Variants in TMEM44 observed in about 807,000 individuals in gnomAD.
TMEM44 encodes transmembrane protein 44.
TMEM44 carries 43 observed loss-of-function variants against 47.8 expected under a neutral mutation model. That is an observed-to-expected ratio of 0.90 (90% CI 0.70 to 1.16). The LOEUF (loss-of-function observed/expected upper bound fraction) is 1.16, where lower values mean the gene tolerates loss of function less well. TMEM44 is among the 50% of genes most tolerant of loss of function. The probability of loss-of-function intolerance (pLI) is 0.00; values close to 1 mark genes in which losing one functional copy is unlikely to be tolerated. For missense variants in TMEM44, 568 were observed against 555.2 expected, an observed-to-expected ratio of 1.02 and a Z score of -0.23; for synonymous variants, 277 against 238.8, an observed-to-expected ratio of 1.16 and a Z score of -1.48.
At chr3:194,631,103 T>C (rs1005574640) in intron 1 of TMEM44, among the ~76,000 whole-genome samples, 1 of 149,382 alleles carries the variant, frequency 6.7e-6, no homozygotes, top group Non-Finnish European at 1.5e-5. Flanking sequence ...GCTGGCTGTT[T>C]CTATTGGCGT....
chr3:194,618,406 TTAAA>T (rs1192364779), intron 5 of TMEM44, among the ~76,000 whole-genome samples: 1 of 150,622 alleles, frequency 6.6e-6, no homozygotes, highest in African/African-American at 2.4e-5. Context: ...ACTTATATAT[TTAAA>T]TATATATGAA....
At chr3:194,630,948 G>A (rs914942978) in intron 1 of TMEM44, among the ~76,000 whole-genome samples, 1 of 136,872 alleles carries the variant, frequency 7.3e-6, no homozygotes, top group Non-Finnish European at 1.5e-5. Flanking sequence ...CTCCTGGAGG[G>A]GCTGGCTGTT....
chr3:194,625,866 T>C (rs1357392743), intron 3 of TMEM44, 31 bp downstream of exon 3: 1 of 1,574,280 alleles, frequency 6.4e-7, no homozygotes, highest in East Asian at 2.2e-5. Context: ...AATGGGTGAA[T>C]AAAGACAGGA....
intron 9 of TMEM44, chr3:194,596,998 G>A (rs1265385967): frequency 6.6e-6 from 1 of 151,890 alleles, no homozygotes; most frequent in Non-Finnish European, 1.5e-5. Context: ...GGAACACACG[G>A]GCCTGGGACT....
chr3:194,618,087 C>T (rs1716136555), intron 5 of TMEM44, among the ~76,000 whole-genome samples: 1 of 152,204 alleles, frequency 6.6e-6, no homozygotes, highest in Non-Finnish European at 1.5e-5. Context: ...CGGCCTGAGG[C>T]ATTCCTTTAG....
At chr3:194,595,580 G>C (rs1713295567) in intron 9 of TMEM44, among the ~76,000 whole-genome samples, 1 of 150,764 alleles carries the variant, frequency 6.6e-6, no homozygotes, top group South Asian at 2.1e-4. Flanking sequence ...GGATTGTAAA[G>C]TTTTAAGACT....
intron 5 of TMEM44, 59 bp from the exon 6 acceptor site, chr3:194,617,328 C>G: frequency 6.9e-7 from 1 of 1,458,298 alleles, no homozygotes; most frequent in Non-Finnish European, 9.1e-7. Context: ...GACCCAGGGC[C>G]CTCAGTGGCA....
At chr3:194,602,602 CA>C (rs57532938) in intron 9 of TMEM44, among the ~76,000 whole-genome samples, 42 of 143,188 alleles carry the variant, frequency 2.9e-4, no homozygotes, top group Middle Eastern at 3.6e-3. Flanking sequence ...AACTCCTTCT[CA>C]AAAAAAAAAA....
At chr3:194,626,205 G>A (rs1717165094) in intron 2 of TMEM44, among the ~76,000 whole-genome samples, 1 of 152,160 alleles carries the variant, frequency 6.6e-6, no homozygotes, top group Non-Finnish European at 1.5e-5. Context: ...TGAACCCACG[G>A]TATGCAGATG....
intron 6 of TMEM44, among the ~76,000 whole-genome samples, chr3:194,616,293 C>A (rs996389146): frequency 4.6e-5 from 7 of 152,180 alleles, no homozygotes; most frequent in Non-Finnish European, 1.0e-4. Context: ...CTCAGATGAT[C>A]CTCCCATCTT....
Position 194,633,238 on chromosome 3 carries a change from G to T in TMEM44, c.-23C>A. ...CATGGCGCGGCTGGGCGCGCGGCGC[G>T]GGGCCGGGGACCTGGGCGCAGCCTC... On this transcript the variant is annotated 5_prime_UTR_variant, in exon 1 of 10. Coordinates refer to ENST00000347147, the MANE Select transcript of TMEM44 (RefSeq NM_001011655.3). 1 of 1,278,736 alleles carries T rather than the reference G, an allele frequency of 7.8e-7. No homozygotes were observed. Among genetic ancestry groups the T allele is most frequent in the Non-Finnish European group, 9.9e-7 (1 of 1,006,812 alleles). The allele number at this position is 1,278,736 out of a possible 1,614,324, so 79.2% of individuals were successfully genotyped here. A position where few individuals can be genotyped will look rare whatever the true frequency, so the allele number is the denominator to read the frequency against.
intron 7 of TMEM44, among the ~76,000 whole-genome samples, chr3:194,613,373 T>C (rs557173895): frequency 8.6e-5 from 13 of 151,214 alleles, no homozygotes; most frequent in African/African-American, 3.2e-4. Context: ...AGACGGAGTT[T>C]CACCACGTTG....
At chr3:194,632,885 C>T in intron 1 of TMEM44, 194 bp downstream of exon 1, 1 of 992,592 alleles carries the variant, frequency 1.0e-6, no homozygotes, top group Non-Finnish European at 1.4e-6. Flanking sequence ...GGCTCACAGC[C>T]CAGCTTCCCT....
chr3:194,633,259 G>C lies in TMEM44; in HGVS notation c.-44C>G. 1 of 1,061,370 alleles carries C rather than the reference G, an allele frequency of 9.4e-7. No homozygotes were observed. Among genetic ancestry groups the C allele is most frequent in the South Asian group, 4.4e-5 (1 of 22,922 alleles). The allele number at this position is 1,061,370 out of a possible 1,614,324, so 65.7% of individuals were successfully genotyped here. On this transcript the variant is annotated 5_prime_UTR_variant, in exon 1 of 10. Transcript: ENST00000347147. ...GCGCGGGGCCGGGGACCTGGGCGCA[G>C]CCTCCCTCGCCGCGGGCAAGCCCCG...
chr3:194,613,923 G>C (rs1169835197), intron 7 of TMEM44, among the ~76,000 whole-genome samples: 1 of 150,380 alleles, frequency 6.6e-6, no homozygotes, highest in Non-Finnish European at 1.5e-5. Context: ...GGGAGTTTGA[G>C]ACCAGCCTGA....
At chr3:194,602,270 T>C (rs789846) in intron 9 of TMEM44, among the ~76,000 whole-genome samples, 141,271 of 152,294 alleles carry the variant, frequency 0.93, 65,572 homozygotes, top group East Asian at 0.98. Flanking sequence ...CTGTGGCTCC[T>C]GGGGCACACG....
chr3:194,595,711 C>T lies in TMEM44; in HGVS notation c.1177-7072G>A, dbSNP rs191781147. ...CGTGATCTCAGCTCACTGCAACCTC[C>T]GCCTCCCGGGTCCAGGTGATTCTCC... On this transcript the variant is annotated intron_variant, in intron 9 of 9. Transcript: ENST00000347147. 3.9e-5 allele frequency among the ~76,000 whole-genome samples: 6 copies of T among 151,954 alleles called. No homozygotes were observed. In the East Asian group the frequency reaches 7.7e-4, roughly 20 times the overall value.
chr3:194,594,129 A>ATCTGTCTGTCTGTCTGTCTG (rs1182231663), intron 9 of TMEM44, among the ~76,000 whole-genome samples: 8,170 of 121,630 alleles, frequency 0.067, 319 homozygotes, highest in East Asian at 0.16. Flanking sequence ...CTATCTATCT[A>ATCTGTCTGTCTGTCTGTCTG]TCTATCTATC....
rs9880580 is a variant in TMEM44, at chr3:194,611,385, G to A, written c.913-365C>T. 0.36 allele frequency among the ~76,000 whole-genome samples: 54,849 copies of A among 151,882 alleles called. 10,772 individuals are homozygous for A. The highest frequency in any genetic ancestry group is 0.78 in the East Asian group (4,017 of 5,154). ...CTCCCAAAGTGCTGGGATGACAGGC[G>A]TGAGCCACCACACCCGGCCTATTCT... On this transcript the variant is annotated intron_variant, in intron 7 of 9. Transcript: ENST00000347147. This position sits in a 1 kb window ranked among gnomAD's most constrained non-coding sequence, Gnocchi z 4.2.
Sources: allele counts gnomAD v4.1 joint callset (sites outside exome capture counted in the v4.1 genomes callset), GRCh38; gene constraint gnomAD v4.1.1; non-coding constraint Gnocchi (gnomAD v3.1); transcripts MANE v1.5; gene names NCBI Gene and HGNC (gene_info 2026-07-23, HGNC 2026-07-21).